Variants in OR1J2 observed in about 807,000 individuals in gnomAD.
OR1J2 encodes olfactory receptor family 1 subfamily J member 2.
For missense variants in OR1J2, 304 were observed against 246.1 expected (o/e 1.24, Z -1.57); for synonymous variants, 142 against 99.7 (o/e 1.42, Z -2.52).
upstream of OR1J2, among the ~76,000 whole-genome samples, chr9:122,506,965 G>C (rs1388064894): frequency 6.6e-6 from 1 of 152,156 alleles, no homozygotes; most frequent in East Asian, 1.9e-4. Context: ...ATTTTGGGAA[G>C]GCCTCCTACA....
At chr9:122,460,729 T>G in the OR1J2 span, among the ~76,000 whole-genome samples, 4,139 of 152,192 alleles carry the variant, frequency 0.027, 67 homozygotes, top group Middle Eastern at 0.11. Flanking sequence ...CAATATTGAT[T>G]CTCATGAACA....
At chr9:122,521,665 G>C in the OR1J2 span, among the ~76,000 whole-genome samples, 2 of 152,162 alleles carry the variant, frequency 1.3e-5, no homozygotes, top group African/African-American at 4.8e-5. Context: ...TTGGTTTATT[G>C]TTGGTCTAGG....
At chr9:122,546,449 T>A in the OR1J2 span, among the ~76,000 whole-genome samples, 1 of 152,180 alleles carries the variant, frequency 6.6e-6, no homozygotes, top group Admixed American at 6.5e-5. Flanking sequence ...CTTAGAACGT[T>A]TGCTCGCACG....
chr9:122,484,162 G>GT, the OR1J2 span, among the ~76,000 whole-genome samples: 1 of 151,866 alleles, frequency 6.6e-6, no homozygotes, highest in African/African-American at 2.4e-5. Flanking sequence ...ATTTTTGGGG[G>GT]TTTTTTGTTT....
chr9:122,575,362 C>A, the OR1J2 span, among the ~76,000 whole-genome samples: 3 of 152,034 alleles, frequency 2.0e-5, no homozygotes, highest in Non-Finnish European at 4.4e-5. Context: ...GAGTCAATTT[C>A]TTTTATAGAT....
At chr9:122,536,028 A>G in the OR1J2 span, among the ~76,000 whole-genome samples, 1,633 of 152,294 alleles carry the variant, frequency 0.011, 35 homozygotes, top group African/African-American at 0.038. Context: ...AGGCAGGAAC[A>G]GGCCATTTTC....
the OR1J2 span, chr9:122,553,139 G>C: frequency 0.26 from 397,044 of 1,521,784 alleles, 56,481 homozygotes; most frequent in East Asian, 0.51. Flanking sequence ...ATGCATATCT[G>C]TAAATTGATC....
chr9:122,553,603 A>G, the OR1J2 span: 6 of 1,614,108 alleles, frequency 3.7e-6, no homozygotes, highest in Non-Finnish European at 5.1e-6. Context: ...GCCATCTGCC[A>G]ACCACTCCAT....
the OR1J2 span, among the ~76,000 whole-genome samples, chr9:122,533,871 C>T: frequency 2.5e-3 from 374 of 152,254 alleles, 2 homozygotes; most frequent in African/African-American, 8.4e-3. Flanking sequence ...TACAGGGCTT[C>T]TGAGGCGATC....
chr9:122,495,613 T>C, the OR1J2 span, among the ~76,000 whole-genome samples: 1 of 152,146 alleles, frequency 6.6e-6, no homozygotes, highest in African/African-American at 2.4e-5. Flanking sequence ...TTGATTTCTT[T>C]AAGTTGCACT....
At chr9:122,455,622 T>C in the OR1J2 span, among the ~76,000 whole-genome samples, 3 of 152,212 alleles carry the variant, frequency 2.0e-5, no homozygotes, top group South Asian at 2.1e-4. Flanking sequence ...ATCAGACATA[T>C]GGTTTACAAA....
the OR1J2 span, among the ~76,000 whole-genome samples, chr9:122,560,640 T>A: frequency 6.6e-6 from 1 of 152,182 alleles, no homozygotes; most frequent in South Asian, 2.1e-4. Context: ...TCTTTAAGAA[T>A]GTTGAATATT....
the OR1J2 span, chr9:122,553,392 C>G: frequency 6.2e-7 from 1 of 1,614,134 alleles, no homozygotes; most frequent in South Asian, 1.1e-5. Context: ...CCTCCATACT[C>G]CCATGTACTT....
chr9:122,519,442 T>A, the OR1J2 span: 5 of 1,614,230 alleles, frequency 3.1e-6, no homozygotes, highest in Middle Eastern at 3.3e-4. Flanking sequence ...GTAACTCAGA[T>A]GTATTTTTTC....
downstream of OR1J2, among the ~76,000 whole-genome samples, chr9:122,516,545 C>T (rs1828702716): frequency 6.6e-6 from 1 of 152,000 alleles, no homozygotes; most frequent in African/African-American, 2.4e-5. Flanking sequence ...CCTCGTGATC[C>T]GCCCGCCTCG....
At chr9:122,496,583 G>T in the OR1J2 span, among the ~76,000 whole-genome samples, 2 of 152,152 alleles carry the variant, frequency 1.3e-5, no homozygotes, top group East Asian at 1.9e-4. Flanking sequence ...GCCTCAGGTA[G>T]TTCTGATGAC....
At chr9:122,525,185 C>G in the OR1J2 span, among the ~76,000 whole-genome samples, 9 of 152,150 alleles carry the variant, frequency 5.9e-5, no homozygotes, top group Admixed American at 3.3e-4. Context: ...GAACAGACTT[C>G]CAGTTCCAGG....
chr9:122,519,379 A>G, the OR1J2 span: 68 of 1,614,036 alleles, frequency 4.2e-5, no homozygotes, highest in Non-Finnish European at 5.6e-5. Flanking sequence ...ACTGTCCCAA[A>G]GATGTTATTA....
upstream of OR1J2, among the ~76,000 whole-genome samples, chr9:122,509,296 G>A (rs1828588659): frequency 6.6e-6 from 1 of 152,152 alleles, no homozygotes; most frequent in African/African-American, 2.4e-5. Flanking sequence ...GTACCCAAGA[G>A]GGAGCTGAAA....
Sources: allele counts gnomAD v4.1 joint callset (sites outside exome capture counted in the v4.1 genomes callset), GRCh38; gene constraint gnomAD v4.1.1; transcripts MANE v1.5; gene names NCBI Gene and HGNC (gene_info 2026-07-23, HGNC 2026-07-21).